RBFOX1: variants seen among roughly 807,000 people sequenced by gnomAD.
RBFOX1 encodes the protein RNA binding fox-1 homolog 1.
RBFOX1 carries 8 observed loss-of-function variants against 57.7 expected under a neutral mutation model. That is an observed-to-expected ratio of 0.14 (90% confidence interval 0.08 to 0.25). The LOEUF is 0.25. Ranked by LOEUF, RBFOX1 falls within the 10% of genes least tolerant of loss-of-function variation. The pLI is 1.00. For missense variants in RBFOX1, 611 were observed against 548.5 expected, an observed-to-expected ratio of 1.11 and a Z score of -1.14; for synonymous variants, 326 against 222.4, an observed-to-expected ratio of 1.47 and a Z score of -4.15.
intron 1 of RBFOX1, among the ~76,000 whole-genome samples, chr16:5,406,625 T>C (rs1429326455): frequency 6.6e-6 from 1 of 152,230 alleles, no homozygotes; most frequent in Non-Finnish European, 1.5e-5. Context: ...CACACGTGTA[T>C]ATGCATGCAT....
intron 4 of RBFOX1, among the ~76,000 whole-genome samples, chr16:7,166,224 G>A (rs1299891741): frequency 6.6e-6 from 1 of 152,006 alleles, no homozygotes; most frequent in Non-Finnish European, 1.5e-5. Context: ...ATGTAGGCCA[G>A]GCTGGTCTCG....
chr16:6,926,236 G>T (rs144605636), intron 3 of RBFOX1, among the ~76,000 whole-genome samples: 43 of 152,278 alleles, frequency 2.8e-4, no homozygotes, highest in Middle Eastern at 3.4e-3. Flanking sequence ...GAACCTGGGA[G>T]GGGGAGGTTG....
rs1402950872 is a variant in RBFOX1, at chr16:7,273,240, T to TCCTA, written c.27+221145_27+221146insACCT. Among the ~76,000 whole-genome samples the TCCTA allele has an allele frequency of 4.1e-5, 5 of 122,856 alleles. No individual in the cohort carries two copies. In the South Asian group the frequency reaches 1.5e-3, roughly 37 times the overall value. The allele number at this position is 122,856 out of a possible 152,430, so 80.6% of individuals were successfully genotyped here. A position where few individuals can be genotyped will look rare whatever the true frequency, so the allele number is the denominator to read the frequency against. On this transcript the variant is annotated intron_variant, in intron 4 of 15. Coordinates refer to ENST00000550418, the MANE Select transcript of RBFOX1 (RefSeq NM_018723.4). ...TTCCTTCCTTCCTTCCTTCCTTCCT[T>TCCTA]CCTTCCTTCCTTCCTTCCTTCCTCC... is the stretch of plus-strand genomic sequence containing the variant.
At chr16:6,416,199 G>T (rs2093620216) in intron 2 of RBFOX1, among the ~76,000 whole-genome samples, 1 of 152,222 alleles carries the variant, frequency 6.6e-6, no homozygotes, top group Non-Finnish European at 1.5e-5. Context: ...TATGCGGAAG[G>T]AGAAGGGCTC....
downstream of RBFOX1, among the ~76,000 whole-genome samples, chr16:5,602,585 A>G (rs925289838): frequency 1.3e-4 from 20 of 152,214 alleles, no homozygotes; most frequent in African/African-American, 4.6e-4. Context: ...TGCAAACTGT[A>G]TTCATAGATC....
chr16:6,483,750 G>C (rs1283837156), intron 2 of RBFOX1: 7 of 1,425,882 alleles, frequency 4.9e-6, no homozygotes, highest in Non-Finnish European at 6.4e-6. Flanking sequence ...TGTGGCAGAG[G>C]AGCAGCCGTC....
At chr16:6,331,321 C>T (rs1219053168) in intron 2 of RBFOX1, among the ~76,000 whole-genome samples, 1 of 152,032 alleles carries the variant, frequency 6.6e-6, no homozygotes, top group Non-Finnish European at 1.5e-5. Flanking sequence ...CTGGTGCATG[C>T]CTGTAGTCCC....
chr16:6,521,202 T>C (rs6500790), intron 2 of RBFOX1, among the ~76,000 whole-genome samples: 3,834 of 152,172 alleles, frequency 0.025, 138 homozygotes, highest in African/African-American at 0.084. Flanking sequence ...GCTTAAATTA[T>C]AGCAAATAGA....
At chr16:7,303,686 C>T (rs376185007) in intron 4 of RBFOX1, among the ~76,000 whole-genome samples, 9 of 152,108 alleles carry the variant, frequency 5.9e-5, no homozygotes, top group Non-Finnish European at 1.2e-4. Flanking sequence ...TCAGAACCAA[C>T]GGAGTGAGCT....
chr16:6,147,159 C>T (rs2152714619), intron 1 of RBFOX1, among the ~76,000 whole-genome samples: 1 of 152,290 alleles, frequency 6.6e-6, no homozygotes, highest in Non-Finnish European at 1.5e-5. Flanking sequence ...CATCCCACTC[C>T]AACTGTTACC....
intron 3 of RBFOX1, among the ~76,000 whole-genome samples, chr16:5,624,306 T>G (rs1309956553): frequency 6.6e-6 from 1 of 152,222 alleles, no homozygotes; most frequent in Non-Finnish European, 1.5e-5. Context: ...ACCATTCTCC[T>G]GCCTCAGCCT....
chr16:7,019,642 C>T (rs111908420), intron 3 of RBFOX1, among the ~76,000 whole-genome samples: 50,505 of 151,764 alleles, frequency 0.33, 12,054 homozygotes, highest in African/African-American at 0.67. Context: ...GGCTGTGATT[C>T]CTAGGCTAGG....
chr16:5,802,259 A>C (rs2055082856), intron 3 of RBFOX1, among the ~76,000 whole-genome samples: 2 of 152,154 alleles, frequency 1.3e-5, no homozygotes, highest in Non-Finnish European at 2.9e-5. Context: ...TCGTTTGGAA[A>C]GTCCTTTTCT....
chr16:6,548,356 C>T (rs1271974388), intron 2 of RBFOX1, among the ~76,000 whole-genome samples: 2 of 152,038 alleles, frequency 1.3e-5, no homozygotes, highest in Non-Finnish European at 2.9e-5. Flanking sequence ...ATTCCAAAGG[C>T]GGAGGTCTCA....
chr16:6,539,854 C>T (rs1220477027), intron 2 of RBFOX1, among the ~76,000 whole-genome samples: 2 of 150,558 alleles, frequency 1.3e-5, no homozygotes, highest in East Asian at 3.9e-4. Context: ...AGAATTATCT[C>T]ATTGTCTTCC....
intron 4 of RBFOX1, among the ~76,000 whole-genome samples, chr16:7,347,569 C>T (rs2145726710): frequency 6.6e-6 from 1 of 152,204 alleles, no homozygotes; most frequent in East Asian, 1.9e-4. Flanking sequence ...ATCAAGTGGA[C>T]ACCTGGAATT....
intron 5 of RBFOX1, among the ~76,000 whole-genome samples, chr16:7,536,665 C>T (rs2081547653): frequency 1.3e-5 from 2 of 152,174 alleles, no homozygotes; most frequent in South Asian, 4.1e-4. Context: ...CTGGGTAGGA[C>T]AGACAGCAGA....
chr16:7,693,548 A>G (rs1285569034), intron 14 of RBFOX1, among the ~76,000 whole-genome samples: 1 of 151,856 alleles, frequency 6.6e-6, no homozygotes, highest in Non-Finnish European at 1.5e-5. Context: ...ATAAGACGAC[A>G]TTAGGCATTT....
At chr16:5,742,522 C>G (rs973465355) in intron 3 of RBFOX1, among the ~76,000 whole-genome samples, 1 of 152,136 alleles carries the variant, frequency 6.6e-6, no homozygotes, top group Non-Finnish European at 1.5e-5. Flanking sequence ...GAGAAACAAG[C>G]CCGATCACTT....
Sources: gnomAD v4.1 joint callset for allele counts (sites outside exome capture counted in the v4.1 genomes callset) on GRCh38, gnomAD v4.1.1 for gene constraint, MANE v1.5 for transcripts, NCBI Gene and HGNC (gene_info 2026-07-23, HGNC 2026-07-21) for gene names.